TAPT1: variants seen among roughly 807,000 people sequenced by gnomAD.
TAPT1 encodes the protein transmembrane anterior posterior transformation protein 1 homolog.
Under a neutral mutation model 65.6 loss-of-function variants are expected in TAPT1, and 28 were observed. That is an observed-to-expected ratio of 0.43 (90% CI 0.32 to 0.59). The LOEUF (loss-of-function observed/expected upper bound fraction) is 0.59, where lower values mean the gene tolerates loss of function less well. TAPT1 is among the 20% of genes least tolerant of loss of function. The probability of loss-of-function intolerance (pLI) is 0.09; values close to 1 mark genes in which losing one functional copy is unlikely to be tolerated. For synonymous variants in TAPT1, 278 were observed against 245.2 expected (o/e 1.13, Z -1.25); for missense variants, 563 against 679.9 (o/e 0.83, Z 1.91).
intron 1 of TAPT1, among the ~76,000 whole-genome samples, chr4:16,214,868 T>G (rs890212770): frequency 2.0e-5 from 3 of 152,216 alleles, no homozygotes; most frequent in Non-Finnish European, 4.4e-5. Flanking sequence ...AAATGTGGTC[T>G]TAATGTTCCC....
At chr4:16,212,169 A>G (rs1181287775) in intron 2 of TAPT1, among the ~76,000 whole-genome samples, 2 of 152,222 alleles carry the variant, frequency 1.3e-5, no homozygotes, top group African/African-American at 4.8e-5. Flanking sequence ...TTGTGTTCAT[A>G]AAGTTTGGTG....
rs751197536 is a variant in TAPT1, at chr4:16,188,308, A to C, written c.660T>G (p.Ala220=). 1.9e-6 allele frequency: 3 copies of C among 1,610,270 alleles called. No homozygotes were observed. In the Admixed American group the frequency reaches 5.0e-5, roughly 27 times the overall value. ...FSSFGQDILD[A]LYWTATEPKE... ...TAGGCTCTGTTGCTGTCCAATAGAG[A>C]GCATCTAATATGTCTTGTCCAAAAG... The change falls in exon 5 of 14, where the codon GCT becomes GCG. Residue 220 remains alanine, a synonymous_variant. Coordinates refer to ENST00000405303, the MANE Select transcript of TAPT1 (RefSeq NM_153365.3).
intron 13 of TAPT1, among the ~76,000 whole-genome samples, chr4:16,165,212 CTTTA>C (rs983002298): frequency 2.6e-5 from 4 of 152,168 alleles, no homozygotes; most frequent in Admixed American, 6.5e-5. Context: ...GAAGGACATC[CTTTA>C]TTTTTCTCTC....
At chr4:16,218,782 A>G (rs1293498589) in intron 1 of TAPT1, among the ~76,000 whole-genome samples, 1 of 152,224 alleles carries the variant, frequency 6.6e-6, no homozygotes, top group Non-Finnish European at 1.5e-5. Flanking sequence ...TGTAGTATTA[A>G]TCAGTTCTGG....
intron 11 of TAPT1, among the ~76,000 whole-genome samples, chr4:16,173,191 G>A (rs1042973939): frequency 3.3e-5 from 5 of 152,166 alleles, no homozygotes; most frequent in Non-Finnish European, 4.4e-5. Context: ...AGTGCAGCCA[G>A]CAAATTTTTT....
chr4:16,166,765 T>C lies in TAPT1; in HGVS notation c.1342A>G (p.Ile448Val), dbSNP rs1334539487. 3.7e-6 allele frequency: 6 copies of C among 1,613,810 alleles called. No homozygotes were observed. The Admixed American group carries it at 5.0e-5, about 13-fold the overall frequency. Residue 448 changes from isoleucine to valine, a missense_variant, in exon 13 of 14, where the codon ATC (isoleucine) becomes GTC (valine). Physicochemically the swap from Ile to Val is conservative, Grantham distance 29. Coordinates refer to ENST00000405303, the MANE Select transcript of TAPT1 (RefSeq NM_153365.3). ...TGGCACGATTTCCCCAACAGCACGA[T>C]GCTATTAAGTACTTTCAGGGATATC... is the stretch of plus-strand genomic sequence containing the variant. ...GLISLKVLNS[I>V]VLLGKSCQYV...
At chr4:16,166,537 G>A (rs1747632953) in intron 13 of TAPT1, 96 bp downstream of exon 13, 1 of 1,479,234 alleles carries the variant, frequency 6.8e-7, no homozygotes, top group African/African-American at 1.4e-5. Context: ...CTATGCAAAG[G>A]GAAACCAATC....
In TAPT1 at chr4:16,176,243, A is replaced by C. The variant is rs201597330; in HGVS notation, c.998-15T>G. On this transcript the variant is annotated splice_polypyrimidine_tract_variant and intron_variant, in intron 8 of 13. Coordinates refer to ENST00000405303, the MANE Select transcript of TAPT1 (RefSeq NM_153365.3). ...CCAGAGATGATCTGTAAATAGAAAA[A>C]AGAAAAACAACGAAATATCTTAATA... 2 of 1,362,264 alleles carry C rather than the reference A, an allele frequency of 1.5e-6. No individual in the cohort carries two copies. The highest frequency in any genetic ancestry group is 2.0e-6 in the Non-Finnish European group (2 of 995,892). 84.4% of individuals were successfully genotyped at this position (1,362,264 alleles called of 1,614,324 possible). A position where few individuals can be genotyped will look rare whatever the true frequency, so the allele number is the denominator to read the frequency against.
chr4:16,221,312 G>C (rs910778953), intron 1 of TAPT1, among the ~76,000 whole-genome samples: 2 of 151,808 alleles, frequency 1.3e-5, no homozygotes, highest in African/African-American at 4.8e-5. Context: ...TTTTAGTAGA[G>C]ACAGGGTTTC....
chr4:16,191,123 C>T, intron 4 of TAPT1: 1 of 395,088 alleles, frequency 2.5e-6, no homozygotes. Flanking sequence ...GAGGTGTGTC[C>T]CAGACCAGCA....
chr4:16,209,654 A>G (rs1178968372), intron 2 of TAPT1, among the ~76,000 whole-genome samples: 1 of 152,190 alleles, frequency 6.6e-6, no homozygotes, highest in Non-Finnish European at 1.5e-5. Context: ...ATATACTACT[A>G]GCACATACCT....
intron 7 of TAPT1, 147 bp from the exon 8 acceptor site, chr4:16,179,804 G>GTGTGTATATATATATATATATATA (rs1234531451): frequency 1.2e-3 from 137 of 111,912 alleles, no homozygotes; most frequent in African/African-American, 5.1e-3. Flanking sequence ...ATATATATAT[G>GTGTGTATATATATATATATATATA]TGTGTGTGTG....
intron 3 of TAPT1, among the ~76,000 whole-genome samples, chr4:16,193,015 A>G (rs1262919012): frequency 6.6e-6 from 1 of 152,246 alleles, no homozygotes; most frequent in Non-Finnish European, 1.5e-5. Flanking sequence ...TTGCTTTATA[A>G]GGTCACAATG....
At chr4:16,200,856 CAAATGCCTTTA>C (rs1334947335) in intron 3 of TAPT1, among the ~76,000 whole-genome samples, 2 of 152,142 alleles carry the variant, frequency 1.3e-5, no homozygotes, top group African/African-American at 4.8e-5. Flanking sequence ...CACCACGCTA[CAAATGCCTTTA>C]AAAAGGCTTG....
At chr4:16,220,059 G>C (rs1416719642) in intron 1 of TAPT1, among the ~76,000 whole-genome samples, 1 of 152,196 alleles carries the variant, frequency 6.6e-6, no homozygotes, top group Non-Finnish European at 1.5e-5. Context: ...GCATTTCCCA[G>C]AGCGCCACTC....
chr4:16,214,011 T>C (rs758807071), intron 1 of TAPT1, 113 bp from the exon 2 acceptor site: 7 of 807,314 alleles, frequency 8.7e-6, no homozygotes, highest in African/African-American at 1.8e-5. Flanking sequence ...AAAATAAATG[T>C]TATCTATAAT....
chr4:16,227,053 C>T (rs1215496583), upstream of TAPT1: 10 of 454,454 alleles, frequency 2.2e-5, no homozygotes, highest in Non-Finnish European at 4.0e-5. Context: ...CCCTGCCTGC[C>T]CGCTATTTTG....
At position 16,161,113 on chromosome 4, in the gene TAPT1, A is replaced by ATG. The variant is rs762923999; in HGVS notation, c.*2194_*2195insCA. ...GAGAAATATTAAATGGTCTATAATCAAGGCCGAGCCTATTTTTTCCAAAGA... is the reference window on the plus strand; with the variant it reads ...GAGAAATATTAAATGGTCTATAATCATGAGGCCGAGCCTATTTTTTCCAAAGA... On this transcript the variant is annotated 3_prime_UTR_variant, in exon 14 of 14. Transcript: ENST00000405303. The ATG allele has an allele frequency of 6.6e-6, 1 of 152,424 alleles. No homozygotes were observed. Among genetic ancestry groups the ATG allele is most frequent in the Non-Finnish European group, 1.5e-5 (1 of 68,046 alleles). 9.4% of individuals were successfully genotyped at this position (152,424 alleles called of 1,614,324 possible).
chr4:16,191,830 T>C (rs548013895), intron 3 of TAPT1, among the ~76,000 whole-genome samples: 3 of 152,370 alleles, frequency 2.0e-5, no homozygotes, highest in South Asian at 2.1e-4. Flanking sequence ...TCCACCATTA[T>C]GGCATAAGCT....
Sources: allele counts gnomAD v4.1 joint callset (sites outside exome capture counted in the v4.1 genomes callset), GRCh38; gene constraint gnomAD v4.1.1; transcripts MANE v1.5; gene names NCBI Gene and HGNC (gene_info 2026-07-23, HGNC 2026-07-21).